The following DEFB104B variants were observed in gnomAD, a reference collection of about 807,000 sequenced individuals.
The protein encoded by DEFB104B is beta-defensin 104.
At chr8:7,472,866 G>T (rs1344151398) in intron 1 of DEFB104B, among the ~76,000 whole-genome samples, 35 of 131,956 alleles carry the variant, frequency 2.7e-4, no homozygotes, top group African/African-American at 6.8e-4. Flanking sequence ...TGTTTGTTTG[G>T]TTTTTTTTGA....
At position 7,473,148 on chromosome 8, in the gene DEFB104B, C is replaced by T. The variant is rs1490196516; in HGVS notation, c.58+1863G>A. 2.1e-5 allele frequency among the ~76,000 whole-genome samples: 3 copies of T among 139,960 alleles called. No individual in the cohort carries two copies. In the East Asian group the frequency reaches 6.7e-4, roughly 31 times the overall value. 91.8% of individuals were successfully genotyped at this position (139,960 alleles called of 152,430 possible). A position where few individuals can be genotyped will look rare whatever the true frequency, so the allele number is the denominator to read the frequency against. Reference sequence around the variant, plus strand: ...CTGAGATTACAGGTGTGAGCCACTACACCTGGCTGATTTACATTGGTTTGG... The same window carrying T: ...CTGAGATTACAGGTGTGAGCCACTATACCTGGCTGATTTACATTGGTTTGG... On this transcript the variant is annotated intron_variant, in intron 1 of 1. Transcript: ENST00000316169.
chr8:7,473,999 C>A (rs1446528546), intron 1 of DEFB104B, among the ~76,000 whole-genome samples: 2 of 139,186 alleles, frequency 1.4e-5, no homozygotes, highest in African/African-American at 5.2e-5. Flanking sequence ...ATGCTCATAG[C>A]AGAATTTCAC....
At chr8:7,472,441 C>T (rs1410013837) in intron 1 of DEFB104B, among the ~76,000 whole-genome samples, 1 of 138,368 alleles carries the variant, frequency 7.2e-6, no homozygotes, top group East Asian at 2.3e-4. Flanking sequence ...CGTCACACAG[C>T]AACTTATGTG....
chr8:7,471,276 A>T (rs1810934466), intron 1 of DEFB104B, among the ~76,000 whole-genome samples: 1 of 122,948 alleles, frequency 8.1e-6, no homozygotes, highest in Admixed American at 8.7e-5. Context: ...CATTCGAACT[A>T]TGAGCTCCCT....
At chr8:7,471,017 G>T (rs1272777028) in intron 1 of DEFB104B, among the ~76,000 whole-genome samples, 1 of 151,354 alleles carries the variant, frequency 6.6e-6, no homozygotes, top group Admixed American at 6.6e-5. Context: ...GAACTTTTAT[G>T]TCTCAACCTT....
In DEFB104B at chr8:7,474,780, A is replaced by G. The variant is rs1563351182; in HGVS notation, c.58+231T>C. On this transcript the variant is annotated intron_variant, in intron 1 of 1. Coordinates refer to ENST00000316169, the MANE Select transcript of DEFB104B (RefSeq NM_001040702.1). ...AGGACATCTAGGACTCCTGATCCCT[A>G]CGTTTCTTTTTTCCTCCTTGAGCTA... 3.7e-5 allele frequency among the ~76,000 whole-genome samples: 5 copies of G among 134,128 alleles called. No homozygotes were observed. In the South Asian group the frequency reaches 1.2e-3, roughly 31 times the overall value. 88.0% of individuals were successfully genotyped at this position (134,128 alleles called of 152,430 possible).
Position 7,471,958 on chromosome 8 carries a change from G to A in DEFB104B, c.59-1442C>T, listed in dbSNP as rs1312954533. ...TGATGCTTAGGTATCAAGGTTCTTT[G>A]TCCAGGATGTAGGTGAGGACTAAAA... On this transcript the variant is annotated intron_variant, in intron 1 of 1. Coordinates refer to ENST00000316169, the MANE Select transcript of DEFB104B (RefSeq NM_001040702.1). Among the ~76,000 whole-genome samples, 3 of 150,956 alleles carry A rather than the reference G, an allele frequency of 2.0e-5. No homozygotes were observed. The East Asian group carries it at 5.8e-4, about 29-fold the overall frequency.
chr8:7,471,011 T>C (rs1810918472), intron 1 of DEFB104B, among the ~76,000 whole-genome samples: 1 of 151,098 alleles, frequency 6.6e-6, no homozygotes, highest in African/African-American at 2.4e-5. Context: ...TTCTTTGAAC[T>C]TTTATGTCTC....
intron 1 of DEFB104B, among the ~76,000 whole-genome samples, chr8:7,472,218 G>T (rs1315479171): frequency 1.4e-5 from 2 of 139,696 alleles, no homozygotes; most frequent in East Asian, 2.1e-4. Flanking sequence ...CATATCTGTG[G>T]CAGGTCGCTT....
At position 7,474,377 on chromosome 8, in the gene DEFB104B, T is replaced by A. The variant is rs771426012; in HGVS notation, c.58+634A>T. On this transcript the variant is annotated intron_variant, in intron 1 of 1. Transcript: ENST00000316169. ...CATTGCAAATATATTAAGAAATACATGCTTCTGGGGACATAGATTAACGTA... is the reference window on the plus strand; with the variant it reads ...CATTGCAAATATATTAAGAAATACAAGCTTCTGGGGACATAGATTAACGTA... Among the ~76,000 whole-genome samples the A allele has an allele frequency of 1.5e-4, 21 of 143,826 alleles. 1 individual carries two copies. Among genetic ancestry groups the A allele is most frequent in the Non-Finnish European group, 2.6e-4 (17 of 64,308 alleles). 94.4% of individuals were successfully genotyped at this position (143,826 alleles called of 152,430 possible).
chr8:7,474,461 C>T (rs1353563521), intron 1 of DEFB104B, among the ~76,000 whole-genome samples: 4 of 141,976 alleles, frequency 2.8e-5, no homozygotes, highest in African/African-American at 1.0e-4. Context: ...TTCAAAGGCA[C>T]CTGCTATTTG....
intron 1 of DEFB104B, among the ~76,000 whole-genome samples, chr8:7,472,595 C>T (rs1222735053): frequency 7.7e-6 from 1 of 129,910 alleles, no homozygotes; most frequent in Admixed American, 7.8e-5. Flanking sequence ...CTACACTACA[C>T]TAGTTTCTTT....
At position 7,472,847 on chromosome 8, in the gene DEFB104B, TTG is replaced by T. The variant is rs1407445105; in HGVS notation, c.58+2162_58+2163del. ...GTAAGATTTGCTTTGTTTTTTTTGT[TTG>T]TTTGTTTGTTTGTTTGGTTTTTTTT... On this transcript the variant is annotated intron_variant, in intron 1 of 1. Coordinates refer to ENST00000316169, the MANE Select transcript of DEFB104B (RefSeq NM_001040702.1). Among the ~76,000 whole-genome samples, 70 of 135,336 alleles carry T rather than the reference TTG, an allele frequency of 5.2e-4. 2 individuals carry two copies. Among genetic ancestry groups the T allele is most frequent in the African/African-American group, 2.0e-3 (68 of 33,260 alleles). The allele number at this position is 135,336 out of a possible 152,430, so 88.8% of individuals were successfully genotyped here. A position where few individuals can be genotyped will look rare whatever the true frequency, so the allele number is the denominator to read the frequency against.
intron 1 of DEFB104B, among the ~76,000 whole-genome samples, chr8:7,472,431 C>A (rs78706596): frequency 0.3 from 39,217 of 132,666 alleles, 5,694 homozygotes; most frequent in African/African-American, 0.35. Flanking sequence ...ACTAATCTGA[C>A]GTCACACAGC....
At chr8:7,474,382 C>T (rs1488347730) in intron 1 of DEFB104B, among the ~76,000 whole-genome samples, 2 of 143,796 alleles carry the variant, frequency 1.4e-5, no homozygotes, top group East Asian at 4.0e-4. Flanking sequence ...ATACATGCTT[C>T]TGGGGACATA....
At position 7,472,866 on chromosome 8, in the gene DEFB104B, G is replaced by GT. The variant is rs200073635; in HGVS notation, c.58+2144dup. Among the ~76,000 whole-genome samples, 28 of 131,868 alleles carry GT rather than the reference G, an allele frequency of 2.1e-4. 2 individuals are homozygous for GT. The East Asian group carries it at 3.2e-3, about 15-fold the overall frequency. The allele number at this position is 131,868 out of a possible 152,430, so 86.5% of individuals were successfully genotyped here. A position where few individuals can be genotyped will look rare whatever the true frequency, so the allele number is the denominator to read the frequency against. ...TTTTGTTTGTTTGTTTGTTTGTTTG[G>GT]TTTTTTTTGAGACACAGTCTTGCTC... On this transcript the variant is annotated intron_variant, in intron 1 of 1. Coordinates refer to ENST00000316169, the MANE Select transcript of DEFB104B (RefSeq NM_001040702.1).
intron 1 of DEFB104B, among the ~76,000 whole-genome samples, chr8:7,472,419 T>G (rs1212349523): frequency 7.4e-6 from 1 of 135,694 alleles, no homozygotes. Context: ...AGAAGGAAAG[T>G]GACTAATCTG....
chr8:7,474,872 T>C, intron 1 of DEFB104B, 139 bp downstream of exon 1: 3 of 506,174 alleles, frequency 5.9e-6, no homozygotes, highest in Non-Finnish European at 1.1e-5. Flanking sequence ...ATGGACCCAA[T>C]GAAAGCAAAG....
At chr8:7,474,203 T>C (rs897715972) in intron 1 of DEFB104B, among the ~76,000 whole-genome samples, 1 of 144,020 alleles carries the variant, frequency 6.9e-6, no homozygotes, top group Non-Finnish European at 1.6e-5. Context: ...GAAGATCCGA[T>C]GGCTTCTACG....
Sources: gnomAD v4.1 joint callset for allele counts (sites outside exome capture counted in the v4.1 genomes callset) on GRCh38, gnomAD v4.1.1 for gene constraint, MANE v1.5 for transcripts, NCBI Gene and HGNC (gene_info 2026-07-23, HGNC 2026-07-21) for gene names.